The following SLC4A1AP variants were observed in gnomAD, a reference collection of about 807,000 sequenced individuals.
SLC4A1AP encodes solute carrier family 4 member 1 adaptor protein.
A neutral mutation model predicts 89.7 loss-of-function variants in SLC4A1AP; 64 were observed. That is an observed-to-expected ratio of 0.71 (90% CI 0.58 to 0.88). The LOEUF (loss-of-function observed/expected upper bound fraction) is 0.88. SLC4A1AP is among the 40% of genes least tolerant of loss of function. The probability of loss-of-function intolerance (pLI) is 0.00; values close to 1 mark genes in which losing one functional copy is unlikely to be tolerated. For synonymous variants in SLC4A1AP, 366 were observed against 353.3 expected (o/e 1.04, Z -0.40); for missense variants, 931 against 965.0 (o/e 0.96, Z 0.47).
At chr2:27,687,275 A>G (rs963468363) in intron 10 of SLC4A1AP, among the ~76,000 whole-genome samples, 4 of 152,132 alleles carry the variant, frequency 2.6e-5, no homozygotes, top group Non-Finnish European at 5.9e-5. Flanking sequence ...TTTTGCTATT[A>G]CAAACATATA....
chr2:27,670,357 C>CT (rs952479675), intron 5 of SLC4A1AP, among the ~76,000 whole-genome samples: 55 of 143,116 alleles, frequency 3.8e-4, no homozygotes, highest in East Asian at 1.8e-3. Flanking sequence ...GTGTATTTTG[C>CT]TTTTTTTTTT....
At chr2:27,669,928 A>G (rs935035829) in intron 5 of SLC4A1AP, among the ~76,000 whole-genome samples, 35 of 152,138 alleles carry the variant, frequency 2.3e-4, no homozygotes, top group African/African-American at 8.5e-4. Flanking sequence ...CAATGGCGCA[A>G]TCTCACCTCA....
chr2:27,689,289 T>A (rs1202648838), intron 12 of SLC4A1AP, among the ~76,000 whole-genome samples: 1 of 152,154 alleles, frequency 6.6e-6, no homozygotes, highest in Non-Finnish European at 1.5e-5. Context: ...TATATATAAT[T>A]TTGTGTGGAT....
chr2:27,678,477 G>A (rs754083602), intron 8 of SLC4A1AP, among the ~76,000 whole-genome samples: 40 of 152,088 alleles, frequency 2.6e-4, no homozygotes, highest in Non-Finnish European at 4.9e-4. Flanking sequence ...AGGCTACAGT[G>A]AGCTGTGATC....
At chr2:27,664,242 A>G (rs747127655) in exon 1 of SLC4A1AP, 5 of 1,614,066 alleles carry the variant, frequency 3.1e-6, no homozygotes, top group Non-Finnish European at 4.2e-6. Flanking sequence ...TGGCCCTGCC[A>G]CAGCCCCCTA....
intron 12 of SLC4A1AP, among the ~76,000 whole-genome samples, chr2:27,689,465 A>G (rs1675755220): frequency 6.6e-6 from 1 of 152,184 alleles, no homozygotes. Context: ...GAGAAGGAAC[A>G]TGGGGCAAAA....
At chr2:27,666,856 T>TAC (rs1675335844) in intron 2 of SLC4A1AP, among the ~76,000 whole-genome samples, 1 of 36,896 alleles carries the variant, frequency 2.7e-5, no homozygotes, top group Non-Finnish European at 7.5e-5. Flanking sequence ...ACAGATAAAC[T>TAC]ATATATATAT....
chr2:27,666,317 G>A (rs992113527), intron 2 of SLC4A1AP, among the ~76,000 whole-genome samples: 1 of 135,478 alleles, frequency 7.4e-6, no homozygotes, highest in East Asian at 2.2e-4. Flanking sequence ...CACCATATTG[G>A]CCAGGCTGGT....
chr2:27,671,201 G>A (rs754493700), intron 5 of SLC4A1AP, among the ~76,000 whole-genome samples: 48 of 152,140 alleles, frequency 3.2e-4, no homozygotes, highest in Admixed American at 5.9e-4. Flanking sequence ...GATTACAGGC[G>A]TGAGCCACTG....
At chr2:27,666,815 CT>C (rs911780263) in intron 2 of SLC4A1AP, among the ~76,000 whole-genome samples, 4 of 151,752 alleles carry the variant, frequency 2.6e-5, no homozygotes, top group South Asian at 4.2e-4. Flanking sequence ...GTTCCACCCC[CT>C]GTCCCTGCAA....
chr2:27,681,476 T>C (rs1032936740), intron 8 of SLC4A1AP, among the ~76,000 whole-genome samples: 59 of 152,102 alleles, frequency 3.9e-4, no homozygotes, highest in African/African-American at 1.4e-3. Context: ...TGTCCCATGG[T>C]CAATATGAAG....
chr2:27,669,253 C>T, exon 5 of SLC4A1AP: 1 of 1,609,352 alleles, frequency 6.2e-7, no homozygotes, highest in Non-Finnish European at 8.5e-7. Flanking sequence ...TGAAGATTAC[C>T]TGTGGACGAT....
At chr2:27,672,911 G>C (rs1307950699) in intron 5 of SLC4A1AP, among the ~76,000 whole-genome samples, 1 of 152,188 alleles carries the variant, frequency 6.6e-6, no homozygotes, top group Non-Finnish European at 1.5e-5. Context: ...AGTGGTAGAA[G>C]GTGGCTGAGT....
intron 9 of SLC4A1AP, among the ~76,000 whole-genome samples, chr2:27,683,717 C>G (rs189017901): frequency 4.6e-5 from 7 of 152,092 alleles, no homozygotes; most frequent in African/African-American, 1.7e-4. Context: ...TGGCAGAAAT[C>G]TGAAGTCCTA....
At chr2:27,674,161 G>C (rs1463781998) in intron 5 of SLC4A1AP, among the ~76,000 whole-genome samples, 1 of 152,122 alleles carries the variant, frequency 6.6e-6, no homozygotes, top group Admixed American at 6.6e-5. Flanking sequence ...ATTGTAAAGA[G>C]AGCCTCTTTG....
At chr2:27,685,275 A>G (rs1675686995) in exon 10 of SLC4A1AP, 8 of 1,603,940 alleles carry the variant, frequency 5.0e-6, no homozygotes, top group South Asian at 1.1e-5. Flanking sequence ...ACCCAAACCC[A>G]TGGTAATATC....
intron 8 of SLC4A1AP, among the ~76,000 whole-genome samples, chr2:27,681,071 A>G (rs1181873750): frequency 6.6e-6 from 1 of 151,834 alleles, no homozygotes; most frequent in African/African-American, 2.4e-5. Context: ...CTGCTTTTTC[A>G]TCTCCTTTGA....
chr2:27,680,810 CA>C (rs1234996889), intron 8 of SLC4A1AP, among the ~76,000 whole-genome samples: 9 of 149,462 alleles, frequency 6.0e-5, no homozygotes, highest in South Asian at 2.1e-4. Context: ...ACAACAACAA[CA>C]ACAACAACAT....
At chr2:27,675,677 G>A (rs1461544664) in exon 6 of SLC4A1AP, 1 of 1,585,020 alleles carries the variant, frequency 6.3e-7, no homozygotes, top group Non-Finnish European at 8.6e-7. Flanking sequence ...AGAAGCCAGA[G>A]ACCTTTGAAT....
Sources: allele counts gnomAD v4.1 joint callset (sites outside exome capture counted in the v4.1 genomes callset), GRCh38; gene constraint gnomAD v4.1.1; transcripts MANE v1.5; gene names NCBI Gene and HGNC (gene_info 2026-07-23, HGNC 2026-07-21).